The following ATXN10 variants were observed in gnomAD, a reference collection of about 807,000 sequenced individuals.
ATXN10 encodes the protein ataxin 10.
Under a neutral mutation model 52.9 loss-of-function variants are expected in ATXN10, and 28 were observed. That is an observed-to-expected ratio of 0.53 (90% CI 0.39 to 0.73). The LOEUF (loss-of-function observed/expected upper bound fraction) is 0.73. Among genes scored for constraint, ATXN10 ranks in the 30% least tolerant of loss-of-function variants. The probability of loss-of-function intolerance (pLI) is 0.00; values close to 1 mark genes in which losing one functional copy is unlikely to be tolerated. For synonymous variants in ATXN10, 226 were observed against 221.5 expected (o/e 1.02, Z -0.18); for missense variants, 565 against 577.0 (o/e 0.98, Z 0.21).
intron 10 of ATXN10, among the ~76,000 whole-genome samples, chr22:45,827,807 A>T (rs865979238): frequency 6.6e-6 from 1 of 152,246 alleles, no homozygotes; most frequent in Non-Finnish European, 1.5e-5. Context: ...ACTCTATCCT[A>T]CAACAAGAGC....
rs564050372 is a variant in ATXN10, at chr22:45,823,188, C to T, written c.1237+16166C>T. The T allele has an allele frequency of 3.0e-5, 14 of 471,762 alleles. No homozygotes were observed. The highest frequency in any genetic ancestry group is 2.1e-4 in the East Asian group (3 of 14,394). The allele number at this position is 471,762 out of a possible 1,614,324, so 29.2% of individuals were successfully genotyped here. ...TCCCTAGGCGGCTTCTTGAGTGTCC[C>T]GTCTCCCTCACTGCCAATCCCCAGA... On this transcript the variant is annotated intron_variant, in intron 10 of 11. Transcript: ENST00000252934. This position sits in a 1 kb window ranked among gnomAD's most constrained non-coding sequence, Gnocchi z 4.9.
chr22:45,713,925 C>T (rs1601602373), intron 5 of ATXN10, among the ~76,000 whole-genome samples: 2 of 152,156 alleles, frequency 1.3e-5, no homozygotes, highest in Admixed American at 6.5e-5. Context: ...CGTTTTTTCA[C>T]GACTAGAAGC....
At chr22:45,811,561 C>T (rs1315409282) in intron 10 of ATXN10, 1 of 356,536 alleles carries the variant, frequency 2.8e-6, no homozygotes, top group South Asian at 2.1e-5. Context: ...CAGTTACATG[C>T]TATACAGTTC....
intron 9 of ATXN10, among the ~76,000 whole-genome samples, chr22:45,767,961 G>A (rs1213834566): frequency 6.6e-6 from 1 of 152,102 alleles, no homozygotes; most frequent in Admixed American, 6.5e-5. Context: ...TTAGAATAGA[G>A]AAAACTGATT....
At position 45,826,273 on chromosome 22, in the gene ATXN10, G is replaced by T. The variant is rs1361311461; in HGVS notation, c.1238-16718G>T. 6.6e-6 allele frequency among the ~76,000 whole-genome samples: 1 copy of T among 152,120 alleles called. No individual in the cohort carries two copies. Among genetic ancestry groups the T allele is most frequent in the African/African-American group, 2.4e-5 (1 of 41,420 alleles). On this transcript the variant is annotated intron_variant, in intron 10 of 11. Coordinates refer to ENST00000252934, the MANE Select transcript of ATXN10 (RefSeq NM_013236.4). This position sits in a 1 kb window ranked among gnomAD's most constrained non-coding sequence, Gnocchi z 5.0. ...AGTCCAACAAGCAGAAAGAAAAAAG[G>T]TTGTAGAAAAGTGAACAGAGCCTAA...
At chr22:45,735,568 A>C (rs1439555379) in intron 7 of ATXN10, among the ~76,000 whole-genome samples, 1 of 152,172 alleles carries the variant, frequency 6.6e-6, no homozygotes, top group Admixed American at 6.5e-5. Flanking sequence ...TGAACACACA[A>C]AAAAATGCAG....
intron 7 of ATXN10, among the ~76,000 whole-genome samples, chr22:45,736,119 A>G (rs1210037387): frequency 6.6e-6 from 1 of 151,994 alleles, no homozygotes; most frequent in South Asian, 2.1e-4. Flanking sequence ...ATCTCTTCCA[A>G]CCTCTAATTT....
intron 10 of ATXN10, among the ~76,000 whole-genome samples, chr22:45,813,906 C>G (rs1462429071): frequency 6.6e-6 from 1 of 152,136 alleles, no homozygotes; most frequent in African/African-American, 2.4e-5. Context: ...AGAATAGAAT[C>G]CAGAAACAGA....
intron 10 of ATXN10, among the ~76,000 whole-genome samples, chr22:45,821,211 A>T (rs1049259147): frequency 3.3e-5 from 5 of 152,158 alleles, no homozygotes; most frequent in Non-Finnish European, 5.9e-5. Flanking sequence ...TCTCTCCTAA[A>T]GCACTTGTAG....
rs541402335 is a variant in ATXN10 at position 45,749,923 on chromosome 22, T to A, written c.1173+9385T>A. On this transcript the variant is annotated intron_variant, in intron 9 of 11. Transcript: ENST00000252934. ...GCTACATTTCAGGCACATGCGTATTTCCGAGAAGCATAATTTACCCCATAC... is the reference window on the plus strand; with the variant it reads ...GCTACATTTCAGGCACATGCGTATTACCGAGAAGCATAATTTACCCCATAC... Among the ~76,000 whole-genome samples the A allele has an allele frequency of 4.6e-5, 7 of 152,154 alleles. No homozygotes were observed. In the East Asian group the frequency reaches 1.4e-3, roughly 29 times the overall value.
intron 9 of ATXN10, among the ~76,000 whole-genome samples, chr22:45,778,597 C>T (rs540805212): frequency 2.2e-4 from 33 of 152,124 alleles, no homozygotes; most frequent in South Asian, 4.1e-4. Flanking sequence ...ACTGAAATAA[C>T]GAATGATTAG....
intron 5 of ATXN10, among the ~76,000 whole-genome samples, chr22:45,709,999 A>C (rs1012036616): frequency 6.6e-6 from 1 of 152,150 alleles, no homozygotes; most frequent in Admixed American, 6.5e-5. Context: ...TGCCATAGAC[A>C]TCTTTCATTG....
rs905466601 is a variant in ATXN10 at position 45,695,303 on chromosome 22, C to T, written c.391+2225C>T. 1.7e-4 allele frequency among the ~76,000 whole-genome samples: 24 copies of T among 139,476 alleles called. 1 individual carries two copies. Among genetic ancestry groups the T allele is most frequent in the African/African-American group, 5.4e-4 (20 of 37,372 alleles). The allele number at this position is 139,476 out of a possible 152,430, so 91.5% of individuals were successfully genotyped here. A position where few individuals can be genotyped will look rare whatever the true frequency, so the allele number is the denominator to read the frequency against. The stretch of plus-strand genomic sequence containing the variant: ...TGCCGCCACTGAACTCCAGCCTGGG[C>T]GACAGAGCGAGACTCCACCTCAAAA... On this transcript the variant is annotated intron_variant, in intron 3 of 11. Coordinates refer to ENST00000252934, the MANE Select transcript of ATXN10 (RefSeq NM_013236.4).
chr22:45,759,823 A>G lies in ATXN10; in HGVS notation c.1173+19285A>G, dbSNP rs145066389. Among the ~76,000 whole-genome samples the G allele has an allele frequency of 6.4e-3, 970 of 152,218 alleles. 7 individuals carry two copies. The highest frequency in any genetic ancestry group is 0.015 in the South Asian group (70 of 4,822). On this transcript the variant is annotated intron_variant, in intron 9 of 11. Transcript: ENST00000252934. This position sits in a 1 kb window ranked among gnomAD's most constrained non-coding sequence, Gnocchi z 5.4. The stretch of plus-strand genomic sequence containing the variant: ...CATCGCTTGCTTCTCTCTCTTTCTA[A>G]TTTACATACAGCTAAACACAGATTT...
intron 9 of ATXN10, among the ~76,000 whole-genome samples, chr22:45,764,558 CTT>C (rs1283831429): frequency 6.6e-6 from 1 of 152,162 alleles, no homozygotes; most frequent in Admixed American, 6.5e-5. Flanking sequence ...GTTTCGTTGA[CTT>C]TTTACCCCAT....
intron 10 of ATXN10, among the ~76,000 whole-genome samples, chr22:45,817,980 G>T (rs1928522208): frequency 6.6e-6 from 1 of 152,214 alleles, no homozygotes; most frequent in South Asian, 2.1e-4. Flanking sequence ...GGCTCCCAGG[G>T]TGAGAAGCTG....
Position 45,728,897 on chromosome 22 carries a change from T to C in ATXN10, c.729-528T>C, listed in dbSNP as rs1392244984. On this transcript the variant is annotated intron_variant, in intron 6 of 11. Coordinates refer to ENST00000252934, the MANE Select transcript of ATXN10 (RefSeq NM_013236.4). This position sits in a 1 kb window ranked among gnomAD's most constrained non-coding sequence, Gnocchi z 4.3. ...TAAAGCACCTGGCTCAGGGCACAGATTGAATCCTAGCTTAGACTCTCAGTG... is the reference window on the plus strand; with the variant it reads ...TAAAGCACCTGGCTCAGGGCACAGACTGAATCCTAGCTTAGACTCTCAGTG... Among the ~76,000 whole-genome samples the C allele has an allele frequency of 6.6e-6, 1 of 152,212 alleles. No individual in the cohort carries two copies. The highest frequency in any genetic ancestry group is 1.5e-5 in the Non-Finnish European group (1 of 68,034).
chr22:45,744,525 T>A lies in ATXN10; in HGVS notation c.1173+3987T>A, dbSNP rs1427661420. On this transcript the variant is annotated intron_variant, in intron 9 of 11. Coordinates refer to ENST00000252934, the MANE Select transcript of ATXN10 (RefSeq NM_013236.4). The surrounding 1 kb of genome is among the most constrained non-coding windows in gnomAD (Gnocchi z 4.9). The stretch of plus-strand genomic sequence containing the variant: ...GAAACCAAGGCCCCGAGACCAAGTG[T>A]GATTTAACTCAGCTAGCACTTGCTG... The A allele has an allele frequency of 6.6e-6, 1 of 152,070 alleles. No individual in the cohort carries two copies. The highest frequency in any genetic ancestry group is 1.5e-5 in the Non-Finnish European group (1 of 68,002). 9.4% of individuals were successfully genotyped at this position (152,070 alleles called of 1,614,324 possible).
chr22:45,842,878 A>T lies in ATXN10; in HGVS notation c.1238-113A>T. The T allele has an allele frequency of 8.3e-7, 1 of 1,203,292 alleles. No homozygotes were observed. The highest frequency in any genetic ancestry group is 1.2e-6 in the Non-Finnish European group (1 of 818,072). The allele number at this position is 1,203,292 out of a possible 1,614,324, so 74.5% of individuals were successfully genotyped here. A position where few individuals can be genotyped will look rare whatever the true frequency, so the allele number is the denominator to read the frequency against. On this transcript the variant is annotated intron_variant, in intron 10 of 11. Transcript: ENST00000252934. This position sits in a 1 kb window ranked among gnomAD's most constrained non-coding sequence, Gnocchi z 4.8. ...AATGCATCCTCAAGAAAACTTGTGG[A>T]TTGATACTGGATGTTCCGTGTTTCT... is the stretch of plus-strand genomic sequence containing the variant.
Sources: allele counts gnomAD v4.1 joint callset (sites outside exome capture counted in the v4.1 genomes callset), GRCh38; gene constraint gnomAD v4.1.1; non-coding constraint Gnocchi (gnomAD v3.1); transcripts MANE v1.5; gene names NCBI Gene and HGNC (gene_info 2026-07-23, HGNC 2026-07-21).